Variants in SLC19A2 observed in about 807,000 individuals in gnomAD.
SLC19A2 encodes solute carrier family 19 member 2, also known as thiamine transporter 1.
SLC19A2 carries 27 observed loss-of-function variants against 44.7 expected under a neutral mutation model. The ratio of observed to expected loss-of-function variants is 0.60; its 90% confidence interval spans 0.45 to 0.83. The LOEUF is 0.83. SLC19A2 is among the 40% of genes least tolerant of loss of function. SLC19A2 has a pLI of 0.00. For missense variants in SLC19A2, 566 were observed against 613.7 expected, an observed-to-expected ratio of 0.92 and a Z score of 0.82; for synonymous variants, 239 against 243.6, an observed-to-expected ratio of 0.98 and a Z score of 0.18.
Position 169,465,660 on chromosome 1 carries a change from T to C in SLC19A2, c.*189A>G, listed in dbSNP as rs1483500462. ...TAGCTCTCATAAATAATCCATGAAA[T>C]AAACTTTACTTCTGGCTCCTCTGAA... On this transcript the variant is annotated 3_prime_UTR_variant, in exon 6 of 6. Coordinates refer to ENST00000236137, the MANE Select transcript of SLC19A2 (RefSeq NM_006996.3). The C allele has an allele frequency of 1.6e-6, 1 of 612,900 alleles. No individual in the cohort carries two copies. Among genetic ancestry groups the C allele is most frequent in the Non-Finnish European group, 2.9e-6 (1 of 350,508 alleles). 38.0% of individuals were successfully genotyped at this position (612,900 alleles called of 1,614,324 possible).
intron 1 of SLC19A2, among the ~76,000 whole-genome samples, chr1:169,485,004 A>G (rs1658522014): frequency 6.6e-6 from 1 of 152,220 alleles, no homozygotes; most frequent in South Asian, 2.1e-4. Context: ...ACCTCACCCA[A>G]TTAAAAATCA....
chr1:169,472,925 G>T (rs1485687738), intron 2 of SLC19A2, among the ~76,000 whole-genome samples: 2 of 152,192 alleles, frequency 1.3e-5, no homozygotes, highest in African/African-American at 4.8e-5. Flanking sequence ...GCTGCTCATA[G>T]TTAATCATGC....
intron 2 of SLC19A2, among the ~76,000 whole-genome samples, chr1:169,476,034 G>C (rs1185231512): frequency 6.6e-6 from 1 of 152,008 alleles, no homozygotes; most frequent in Non-Finnish European, 1.5e-5. Flanking sequence ...AATGTTAATA[G>C]GCTTATTTCC....
Position 169,477,634 on chromosome 1 carries a change from C to T in SLC19A2, c.328G>A (p.Val110Ile), listed in dbSNP as rs1658355554. Residue 110 changes from valine (V) to isoleucine (I), a missense_variant, in exon 2 of 6, where the codon GTT becomes ATT. Coordinates refer to ENST00000236137, the MANE Select transcript of SLC19A2 (RefSeq NM_006996.3). The stretch of plus-strand genomic sequence containing the variant: ...GCATAGAGCAGCATAAACCATGTAA[C>T]AATAAGGCTGAGCCCCTGCAGTAGA... Reference protein sequence around the residue: ...VVLLQGLSLIVTWFMLLYAQG... With the variant: ...VVLLQGLSLIITWFMLLYAQG... The T allele has an allele frequency of 3.7e-6, 6 of 1,613,990 alleles. No homozygotes were observed. The highest frequency in any genetic ancestry group is 1.7e-5 in the Admixed American group (1 of 60,006).
At chr1:169,467,505 C>T (rs570005262) in intron 5 of SLC19A2, among the ~76,000 whole-genome samples, 1 of 152,222 alleles carries the variant, frequency 6.6e-6, no homozygotes, top group Admixed American at 6.5e-5. Context: ...CATTCAGTTG[C>T]CCATTTTACC....
chr1:169,468,135 G>A lies in SLC19A2; in HGVS notation c.1341C>T (p.Gly447=). The A allele has an allele frequency of 6.2e-7, 1 of 1,613,900 alleles. No homozygotes were observed. The highest frequency in any genetic ancestry group is 1.3e-5 in the African/African-American group (1 of 74,984). The part of the protein sequence containing the change: ...LLTLIVVDAS[G]LGLEITTQFL... ...CCTGAGTGGTAATTTCTAATCCAAG[G>A]CCACTGGCATCTACCACAATTAGAG... The change falls in exon 5 of 6, where the codon GGC becomes GGT. Residue 447 remains glycine, a synonymous_variant. Transcript: ENST00000236137.
chr1:169,479,732 A>C (rs1485261027), intron 1 of SLC19A2, among the ~76,000 whole-genome samples: 1 of 152,182 alleles, frequency 6.6e-6, no homozygotes, highest in Non-Finnish European at 1.5e-5. Flanking sequence ...TCAACTTTTA[A>C]GTGCTTTTTG....
At chr1:169,478,903 T>C (rs1453692896) in intron 1 of SLC19A2, among the ~76,000 whole-genome samples, 2 of 151,650 alleles carry the variant, frequency 1.3e-5, no homozygotes, top group Non-Finnish European at 2.9e-5. Context: ...CTCCAGTCTG[T>C]ATGACAGAGC....
chr1:169,477,111 A>C, intron 2 of SLC19A2, 44 bp downstream of exon 2: 1 of 1,611,312 alleles, frequency 6.2e-7, no homozygotes, highest in Non-Finnish European at 8.5e-7. Context: ...CCACGGGTCC[A>C]GCCCCCATAG....
chr1:169,477,149 G>C lies in SLC19A2; in HGVS notation c.807+6C>G, dbSNP rs201700843. 1.1e-5 allele frequency: 17 copies of C among 1,613,352 alleles called. No homozygotes were observed. Among genetic ancestry groups the C allele is most frequent in the Non-Finnish European group, 1.4e-5 (17 of 1,179,870 alleles). ...GCAATTACAAGATATTTAAGGCTGA[G>C]CTTACCGGTTCCTCCACGGGAGGCT... On this transcript the variant is annotated splice_donor_region_variant and intron_variant, in intron 2 of 5. Transcript: ENST00000236137.
In SLC19A2 at chr1:169,477,540, T is replaced by G. The variant is rs765335518; in HGVS notation, c.422A>C (p.Tyr141Ser). The G allele has an allele frequency of 1.2e-6, 2 of 1,614,094 alleles. No homozygotes were observed. Among genetic ancestry groups the G allele is most frequent in the South Asian group, 2.2e-5 (2 of 91,082 alleles). Residue 141 changes from tyrosine (Y) to serine (S), a missense_variant, in exon 2 of 6, where the codon TAT becomes TCT. Physicochemically the swap from Tyr to Ser is moderately radical, Grantham distance 144. Coordinates refer to ENST00000236137, the MANE Select transcript of SLC19A2 (RefSeq NM_006996.3). ...CACCACACTGTAGATATAAGAGTAA[T>G]AGGCAATTTCAGTGGCTGTGGCGAT... ...YGIATATEIA[Y>S]YSYIYSVVDL...
chr1:169,480,144 C>A (rs1451314559), intron 1 of SLC19A2, among the ~76,000 whole-genome samples: 1 of 152,094 alleles, frequency 6.6e-6, no homozygotes, highest in Non-Finnish European at 1.5e-5. Context: ...GATTCGTATT[C>A]AAAACTGTGG....
At position 169,470,160 on chromosome 1, in the gene SLC19A2, T is replaced by C; in HGVS notation, c.834A>G (p.Val278=). The C allele has an allele frequency of 2.5e-6, 4 of 1,613,954 alleles. No homozygotes were observed. The highest frequency in any genetic ancestry group is 3.4e-6 in the Non-Finnish European group (4 of 1,179,944). ...EPEPKPDRLL[V]LKVLWNDFLM... Reference sequence around the variant, plus strand: ...GGAAATCATTCCATAGTACTTTCAATACAAGGAGACGGTCTGGCTTGGGTT... The same window carrying C: ...GGAAATCATTCCATAGTACTTTCAACACAAGGAGACGGTCTGGCTTGGGTT... The change falls in exon 3 of 6, where the codon GTA becomes GTG. Residue 278 remains valine (V), a synonymous_variant. Coordinates refer to ENST00000236137, the MANE Select transcript of SLC19A2 (RefSeq NM_006996.3).
In SLC19A2 at chr1:169,470,127, G is replaced by A. The variant is rs1658134083; in HGVS notation, c.867C>T (p.Cys289=). 6.2e-7 allele frequency: 1 copy of A among 1,613,980 alleles called. No individual in the cohort carries two copies. Among genetic ancestry groups the A allele is most frequent in the Admixed American group, 1.7e-5 (1 of 59,994 alleles). ...AGCAGAGAAGAGGGCGAGAGGAGTAGCACATCAGGAAATCATTCCATAGTA... is the reference window on the plus strand; with the variant it reads ...AGCAGAGAAGAGGGCGAGAGGAGTAACACATCAGGAAATCATTCCATAGTA... The part of the protein sequence containing the change: ...LKVLWNDFLM[C]YSSRPLLCWS... Residue 289 remains cysteine (C), a synonymous_variant, in exon 3 of 6, where the codon TGC becomes TGT. Coordinates refer to ENST00000236137, the MANE Select transcript of SLC19A2 (RefSeq NM_006996.3).
At position 169,477,202 on chromosome 1, in the gene SLC19A2, C is replaced by A. The variant is rs1658340278; in HGVS notation, c.760G>T (p.Glu254Ter). 6.2e-7 allele frequency: 1 copy of A among 1,613,918 alleles called. No individual in the cohort carries two copies. The highest frequency in any genetic ancestry group is 1.3e-5 in the African/African-American group (1 of 74,914). The change falls in exon 2 of 6, where the codon GAG becomes TAG. Residue 254 changes from glutamate to a stop codon, truncating the protein, a stop_gained. Coordinates refer to ENST00000236137, the MANE Select transcript of SLC19A2 (RefSeq NM_006996.3). LOFTEE classifies it high-confidence loss of function. The part of the protein sequence containing the change: ...SNHLPGWEDI[E>*]SKIPLNMEEP... Reference sequence around the variant, plus strand: ...TCCATATTTAGAGGGATTTTTGACTCAATGTCCTCCCAGCCAGGAAGGTGG... The same window carrying A: ...TCCATATTTAGAGGGATTTTTGACTAAATGTCCTCCCAGCCAGGAAGGTGG...
chr1:169,471,621 C>T (rs1024136197), intron 2 of SLC19A2, among the ~76,000 whole-genome samples: 1 of 150,396 alleles, frequency 6.6e-6, no homozygotes, highest in African/African-American at 2.5e-5. Context: ...TCCGTGATCA[C>T]GCCACTGCAC....
chr1:169,484,649 C>T (rs1658514231), intron 1 of SLC19A2, among the ~76,000 whole-genome samples: 1 of 152,166 alleles, frequency 6.6e-6, no homozygotes, highest in South Asian at 2.1e-4. Flanking sequence ...TGTCTTTCTT[C>T]TGCAAAAATC....
chr1:169,485,784 G>A lies in SLC19A2; in HGVS notation c.-18C>T, dbSNP rs1263825799. 5 of 1,523,296 alleles carry A rather than the reference G, an allele frequency of 3.3e-6. No homozygotes were observed. Among genetic ancestry groups the A allele is most frequent in the South Asian group, 2.4e-5 (2 of 82,424 alleles). 94.4% of individuals were successfully genotyped at this position (1,523,296 alleles called of 1,614,324 possible). A position where few individuals can be genotyped will look rare whatever the true frequency, so the allele number is the denominator to read the frequency against. On this transcript the variant is annotated 5_prime_UTR_variant, in exon 1 of 6. Coordinates refer to ENST00000236137, the MANE Select transcript of SLC19A2 (RefSeq NM_006996.3). Reference sequence around the variant, plus strand: ...ACATCCATCCGGGGCGCGAGGGGAGGGGACCCGGCCCGGCCCCTTCCTTCT... The same window carrying A: ...ACATCCATCCGGGGCGCGAGGGGAGAGGACCCGGCCCGGCCCCTTCCTTCT...
intron 2 of SLC19A2, among the ~76,000 whole-genome samples, chr1:169,476,546 C>T (rs1658317764): frequency 3.9e-5 from 6 of 151,996 alleles, no homozygotes; most frequent in African/African-American, 1.5e-4. Context: ...TGATGAAACC[C>T]CGTCTCTACT....
Sources: gnomAD v4.1 joint callset for allele counts (sites outside exome capture counted in the v4.1 genomes callset) on GRCh38, gnomAD v4.1.1 for gene constraint, MANE v1.5 for transcripts, NCBI Gene and HGNC (gene_info 2026-07-23, HGNC 2026-07-21) for gene names.